The following VAV3 variants were observed in gnomAD, a reference collection of about 807,000 sequenced individuals.
VAV3 encodes the protein guanine nucleotide exchange factor VAV3.
A neutral mutation model predicts 131.2 loss-of-function variants in VAV3; 94 were observed. The ratio of observed to expected loss-of-function variants is 0.72; its 90% CI spans 0.61 to 0.85. VAV3 has a LOEUF of 0.85. Ranked by LOEUF, VAV3 falls within the 40% of genes least tolerant of loss-of-function variation. VAV3 has a pLI of 0.00. For synonymous variants in VAV3, 349 were observed against 342.0 expected, an observed-to-expected ratio of 1.02 and a Z score of -0.22; for missense variants, 939 against 1,002.7, an observed-to-expected ratio of 0.94 and a Z score of 0.86.
At chr1:107,921,345 C>G (rs955756642) in intron 1 of VAV3, among the ~76,000 whole-genome samples, 1 of 152,182 alleles carries the variant, frequency 6.6e-6, no homozygotes, top group African/African-American at 2.4e-5. Flanking sequence ...CTGCATAATA[C>G]TTCACTTATG....
At chr1:107,772,936 A>G in intron 4 of VAV3, 93 bp from the exon 5 acceptor site, 1 of 1,078,908 alleles carries the variant, frequency 9.3e-7, no homozygotes, top group Non-Finnish European at 1.3e-6. Flanking sequence ...AAAAATCCAG[A>G]AAGGAAATAA....
intron 4 of VAV3, among the ~76,000 whole-genome samples, chr1:107,773,912 T>C (rs1665190835): frequency 6.6e-6 from 1 of 152,086 alleles, no homozygotes; most frequent in African/African-American, 2.4e-5. Flanking sequence ...GAAATTCATT[T>C]CCCTGGCACT....
chr1:107,920,996 G>C (rs1326611468), intron 1 of VAV3, among the ~76,000 whole-genome samples: 3 of 152,142 alleles, frequency 2.0e-5, no homozygotes, highest in Admixed American at 2.0e-4. Context: ...ATTTTGTACA[G>C]ATACTATCAT....
intron 2 of VAV3, among the ~76,000 whole-genome samples, chr1:107,827,511 T>C (rs1248786371): frequency 6.6e-6 from 1 of 152,188 alleles, no homozygotes; most frequent in Non-Finnish European, 1.5e-5. Flanking sequence ...AACAATTGAT[T>C]GATACAAGGA....
At chr1:107,753,708 T>A (rs965734695) in intron 12 of VAV3, among the ~76,000 whole-genome samples, 6 of 151,350 alleles carry the variant, frequency 4.0e-5, no homozygotes, top group Non-Finnish European at 7.4e-5. Context: ...TACAGGCACG[T>A]GCCACCATGC....
intron 15 of VAV3, among the ~76,000 whole-genome samples, chr1:107,734,322 C>G (rs1471100834): frequency 1.3e-5 from 2 of 152,194 alleles, no homozygotes; most frequent in African/African-American, 4.8e-5. Context: ...AAATAACCAG[C>G]TAACCTCATA....
chr1:107,620,902 A>G (rs1653541538), intron 20 of VAV3, among the ~76,000 whole-genome samples: 1 of 152,146 alleles, frequency 6.6e-6, no homozygotes, highest in African/African-American at 2.4e-5. Flanking sequence ...AAATCATACT[A>G]GAGGGGTAGA....
chr1:107,636,499 C>T (rs996556506), intron 20 of VAV3, among the ~76,000 whole-genome samples: 23 of 152,154 alleles, frequency 1.5e-4, no homozygotes, highest in African/African-American at 2.4e-4. Flanking sequence ...ATTTAATACA[C>T]CTACTGTACT....
intron 1 of VAV3, among the ~76,000 whole-genome samples, chr1:107,884,847 A>G (rs1168928768): frequency 6.6e-6 from 1 of 152,176 alleles, no homozygotes; most frequent in East Asian, 1.9e-4. Flanking sequence ...TACTTAGGGC[A>G]TGGAAAATAA....
intron 2 of VAV3, among the ~76,000 whole-genome samples, chr1:107,783,831 G>A (rs12144771): frequency 0.31 from 46,383 of 150,344 alleles, 7,717 homozygotes; most frequent in Non-Finnish European, 0.37. Context: ...GGCAGATCAC[G>A]AGATCAGGAG....
intron 19 of VAV3, among the ~76,000 whole-genome samples, chr1:107,650,093 G>C (rs940274195): frequency 2.6e-5 from 4 of 152,006 alleles, no homozygotes; most frequent in Non-Finnish European, 5.9e-5. Context: ...CAGGCAAACT[G>C]AGCCATATGC....
At chr1:107,772,878 A>T in intron 4 of VAV3, 35 bp from the exon 5 acceptor site, 1 of 1,563,124 alleles carries the variant, frequency 6.4e-7, no homozygotes, top group Non-Finnish European at 8.8e-7. Context: ...GTCATTTTCT[A>T]TTATGCAGTA....
chr1:107,763,125 G>A (rs549549666), intron 9 of VAV3, among the ~76,000 whole-genome samples: 31 of 152,200 alleles, frequency 2.0e-4, no homozygotes, highest in Non-Finnish European at 2.9e-4. Flanking sequence ...CTTGCGGCAC[G>A]CAGCTCCCAC....
At chr1:107,613,274 A>G (rs1483109535) in intron 21 of VAV3, among the ~76,000 whole-genome samples, 1 of 152,160 alleles carries the variant, frequency 6.6e-6, no homozygotes, top group Non-Finnish European at 1.5e-5. Context: ...GTTTTATTAT[A>G]GAATCTGGAA....
intron 2 of VAV3, among the ~76,000 whole-genome samples, chr1:107,844,089 G>A (rs543256404): frequency 2.0e-4 from 30 of 152,120 alleles, no homozygotes; most frequent in African/African-American, 7.0e-4. Context: ...TGCAGAAGGC[G>A]GGTGATTTCT....
chr1:107,743,162 T>G (rs1321341390), intron 15 of VAV3, among the ~76,000 whole-genome samples: 2 of 152,160 alleles, frequency 1.3e-5, no homozygotes. Flanking sequence ...CCTTCTTCCA[T>G]CCTAGCGAAA....
intron 17 of VAV3, among the ~76,000 whole-genome samples, chr1:107,695,262 A>AT (rs959634204): frequency 7.2e-5 from 11 of 152,188 alleles, no homozygotes; most frequent in African/African-American, 2.7e-4. Flanking sequence ...AAAGTACAGT[A>AT]TGTGAAAGAA....
intron 2 of VAV3, among the ~76,000 whole-genome samples, chr1:107,851,396 GAA>G (rs74262709): frequency 0.015 from 1,152 of 74,968 alleles, 4 homozygotes; most frequent in Non-Finnish European, 0.023. Flanking sequence ...AAAACACTCA[GAA>G]AAAAAAAAAA....
At chr1:107,681,962 G>C (rs530514264) in intron 19 of VAV3, among the ~76,000 whole-genome samples, 1 of 152,142 alleles carries the variant, frequency 6.6e-6, no homozygotes, top group South Asian at 2.1e-4. Flanking sequence ...ACCCAGCCAC[G>C]TATGTTCTTA....
Sources: allele counts gnomAD v4.1 joint callset (sites outside exome capture counted in the v4.1 genomes callset), GRCh38; gene constraint gnomAD v4.1.1; transcripts MANE v1.5; gene names NCBI Gene and HGNC (gene_info 2026-07-23, HGNC 2026-07-21).